Variants in SIRT7 observed in about 807,000 individuals in gnomAD.
SIRT7 encodes sirtuin 7, also known as NAD-dependent protein deacetylase sirtuin-7.
Under a neutral mutation model 42.8 loss-of-function variants are expected in SIRT7, and 32 were observed. The ratio of observed to expected loss-of-function variants is 0.75; its 90% CI spans 0.56 to 1.00. The LOEUF (loss-of-function observed/expected upper bound fraction) is 1.00. Ranked by LOEUF, SIRT7 falls within the 50% of genes least tolerant of loss-of-function variation. SIRT7 has a pLI of 0.00. For missense variants in SIRT7, 553 were observed against 572.2 expected (o/e 0.97, Z 0.34); for synonymous variants, 297 against 245.2 (o/e 1.21, Z -1.97).
At position 81,914,517 on chromosome 17, in the gene SIRT7, CAGGAGGT is replaced by C; in HGVS notation, c.586_592del (p.Thr196AlafsTer13). 1.2e-6 allele frequency: 2 copies of C among 1,613,214 alleles called. No homozygotes were observed. The highest frequency in any genetic ancestry group is 8.5e-7 in the Non-Finnish European group (1 of 1,180,010). On this transcript the variant is annotated frameshift_variant, in exon 7 of 10. Transcript: ENST00000328666. LOFTEE classifies it high-confidence loss of function. ...CCGCACGTACTCCCTGTTGGGAACG[CAGGAGGT>C]ACAGACCTAGAGGCAAGAGGGCACA...
At position 81,917,821 on chromosome 17, in the gene SIRT7, G is replaced by A. The variant is rs1282527751; in HGVS notation, c.231+9C>T. ...CCGGGGGCGCCCGCGCGCCGCACGC[G>A]GAACTCGCCTCCTCCTGCCGCCGCT... On this transcript the variant is annotated intron_variant, in intron 2 of 9. Coordinates refer to ENST00000328666, the MANE Select transcript of SIRT7 (RefSeq NM_016538.3). The A allele has an allele frequency of 3.5e-6, 5 of 1,415,854 alleles. No homozygotes were observed. In the East Asian group the frequency reaches 9.2e-5, roughly 26 times the overall value. The allele number at this position is 1,415,854 out of a possible 1,614,324, so 87.7% of individuals were successfully genotyped here. A position where few individuals can be genotyped will look rare whatever the true frequency, so the allele number is the denominator to read the frequency against.
Position 81,913,815 on chromosome 17 carries a change from G to A in SIRT7, c.963C>T (p.Leu321=). The A allele has an allele frequency of 1.3e-6, 2 of 1,549,508 alleles. No homozygotes were observed. Among genetic ancestry groups the A allele is most frequent in the South Asian group, 2.4e-5 (2 of 84,022 alleles). The change falls in exon 9 of 10, where the codon CTC becomes CTT. Residue 321 remains leucine (L), a synonymous_variant. Transcript: ENST00000328666. This position sits in a 1 kb window ranked among gnomAD's most constrained non-coding sequence, Gnocchi z 5.0. Reference sequence around the variant, plus strand: ...TCTCCAAGCCCAGCTCGGCCATGAGGAGCCGCATGACGTCATCACACTTCC... The same window carrying A: ...TCTCCAAGCCCAGCTCGGCCATGAGAAGCCGCATGACGTCATCACACTTCC... ...LHGKCDDVMR[L]LMAELGLEIP... is the part of the protein sequence containing the mutation.
intron 5 of SIRT7, 123 bp from the exon 6 acceptor site, chr17:81,914,825 C>T (rs561804238): frequency 1.9e-5 from 14 of 750,496 alleles, no homozygotes; most frequent in African/African-American, 8.6e-5. Context: ...GGGGCAGCTC[C>T]GTCCCCCCAG....
rs2040741730 is a variant in SIRT7 at position 81,913,936 on chromosome 17, C to T, written c.898-56G>A. 4 of 1,545,282 alleles carry T rather than the reference C, an allele frequency of 2.6e-6. No homozygotes were observed. The highest frequency in any genetic ancestry group is 2.6e-6 in the Non-Finnish European group (3 of 1,139,760). Reference sequence around the variant, plus strand: ...CAGCAGCCCAACCCTTCCCGGTGGCCTGTCAGCCTTGGCCCCTACGGGCTC... The same window carrying T: ...CAGCAGCCCAACCCTTCCCGGTGGCTTGTCAGCCTTGGCCCCTACGGGCTC... On this transcript the variant is annotated intron_variant, in intron 8 of 9. Transcript: ENST00000328666. The surrounding 1 kb of genome is among the most constrained non-coding windows in gnomAD (Gnocchi z 5.0).
intron 5 of SIRT7, 41 bp from the exon 6 acceptor site, chr17:81,914,743 A>G: frequency 2.6e-6 from 4 of 1,547,914 alleles, no homozygotes; most frequent in Non-Finnish European, 3.6e-6. Context: ...GATGGCTGCC[A>G]GTGGTGGTGG....
intron 9 of SIRT7, 45 bp from the exon 10 acceptor site, chr17:81,912,659 C>T (rs780318421): frequency 1.2e-5 from 19 of 1,574,764 alleles, no homozygotes; most frequent in East Asian, 4.7e-5. Context: ...GGGAGCCTCT[C>T]GCAGTCACAC....
At position 81,912,388 on chromosome 17, in the gene SIRT7, T is replaced by C. The variant is rs761018740; in HGVS notation, c.*28A>G. On this transcript the variant is annotated 3_prime_UTR_variant, in exon 10 of 10. Coordinates refer to ENST00000328666, the MANE Select transcript of SIRT7 (RefSeq NM_016538.3). ...ACCGTGACACTGGCCATCTGCAAAG[T>C]GCCAACTGTTCTTCATCGAGCACGT... 1.5e-5 allele frequency: 25 copies of C among 1,613,832 alleles called. No homozygotes were observed. The highest frequency in any genetic ancestry group is 5.3e-5 in the African/African-American group (4 of 74,950).
intron 3 of SIRT7, 71 bp from the exon 4 acceptor site, chr17:81,915,752 C>T (rs1351782776): frequency 6.5e-6 from 10 of 1,532,918 alleles, no homozygotes; most frequent in South Asian, 2.3e-5. Flanking sequence ...TTCCCAGAAA[C>T]GGAAAGCCAC....
At chr17:81,915,957 C>T (rs757661583) in intron 3 of SIRT7, 40 of 462,830 alleles carry the variant, frequency 8.6e-5, no homozygotes, top group Non-Finnish European at 1.6e-4. Flanking sequence ...CTCTCTGGCA[C>T]CGAGCACAAA....
chr17:81,912,183 C>T lies in SIRT7; in HGVS notation c.*233G>A. 1.7e-6 allele frequency: 1 copy of T among 589,074 alleles called. No individual in the cohort carries two copies. Among genetic ancestry groups the T allele is most frequent in the Admixed American group, 3.0e-5 (1 of 33,054 alleles). 36.5% of individuals were successfully genotyped at this position (589,074 alleles called of 1,614,324 possible). A position where few individuals can be genotyped will look rare whatever the true frequency, so the allele number is the denominator to read the frequency against. On this transcript the variant is annotated 3_prime_UTR_variant, in exon 10 of 10. Coordinates refer to ENST00000328666, the MANE Select transcript of SIRT7 (RefSeq NM_016538.3). ...GTTCCGTTCTCACAGAAAGGTGCGG[C>T]TGCCACCTCTTGACACAGAGGCCGG...
In SIRT7 at chr17:81,917,840, C is replaced by A; in HGVS notation, c.221G>T (p.Arg74Leu). The A allele has an allele frequency of 7.0e-7, 1 of 1,438,002 alleles. No homozygotes were observed. The highest frequency in any genetic ancestry group is 9.1e-7 in the Non-Finnish European group (1 of 1,100,702). The allele number at this position is 1,438,002 out of a possible 1,614,324, so 89.1% of individuals were successfully genotyped here. The change falls in exon 2 of 10, where the codon CGG (arginine) becomes CTG (leucine). Residue 74 changes from arginine to leucine, a missense_variant. Transcript: ENST00000328666. Reference sequence around the variant, plus strand: ...GCACGCGGAACTCGCCTCCTCCTGCCGCCGCTTCAGGCCCTCGCGCCGCCG... The same window carrying A: ...GCACGCGGAACTCGCCTCCTCCTGCAGCCGCTTCAGGCCCTCGCGCCGCCG... ...RSRRREGLKR[R>L]QEEVCDDPEE...
In SIRT7 at chr17:81,915,435, C is replaced by T. The variant is rs756903789; in HGVS notation, c.480+5G>A. On this transcript the variant is annotated splice_donor_5th_base_variant and intron_variant, in intron 5 of 9. Coordinates refer to ENST00000328666, the MANE Select transcript of SIRT7 (RefSeq NM_016538.3). ...GCAAGTGTACCAGCCACCCAGGGCTCTTACCAGCTTCTGCTCATGCAGACG... is the reference window on the plus strand; with the variant it reads ...GCAAGTGTACCAGCCACCCAGGGCTTTTACCAGCTTCTGCTCATGCAGACG... 4 of 1,612,202 alleles carry T rather than the reference C, an allele frequency of 2.5e-6. No homozygotes were observed. The highest frequency in any genetic ancestry group is 1.7e-6 in the Non-Finnish European group (2 of 1,179,282).
In SIRT7 at chr17:81,912,526, C is replaced by T. The variant is rs199664629; in HGVS notation, c.1093G>A (p.Glu365Lys). The T allele has an allele frequency of 3.3e-5, 53 of 1,613,724 alleles. 1 individual carries two copies. In the South Asian group the frequency reaches 5.4e-4, roughly 16 times the overall value. Residue 365 changes from glutamate to lysine, a missense_variant, in exon 10 of 10, where the codon GAG becomes AAG. By Grantham distance (56) the Glu-to-Lys change is moderately conservative. Coordinates refer to ENST00000328666, the MANE Select transcript of SIRT7 (RefSeq NM_016538.3). ...HSRKSLCRSR[E>K]EAPPGDRGAP... is the part of the protein sequence containing the mutation. Reference sequence around the variant, plus strand: ...CCCCGGTCCCCAGGCGGGGCCTCCTCTCTGCTTCTGCACAGCGACTTCCGA... The same window carrying T: ...CCCCGGTCCCCAGGCGGGGCCTCCTTTCTGCTTCTGCACAGCGACTTCCGA...
Position 81,914,655 on chromosome 17 carries a change from A to G in SIRT7, c.528T>C (p.Ser176=). The change falls in exon 6 of 10, where the codon AGT becomes AGC. Residue 176 remains serine, a synonymous_variant. Transcript: ENST00000328666. ...SQNCDGLHLR[S]GLPRTAISEL... Reference sequence around the variant, plus strand: ...CGGAGATGGCCGTGCGCGGCAGCCCACTCCTCAGGTGGAGCCCGTCACAGT... The same window carrying G: ...CGGAGATGGCCGTGCGCGGCAGCCCGCTCCTCAGGTGGAGCCCGTCACAGT... 6.2e-7 allele frequency: 1 copy of G among 1,612,688 alleles called. No individual in the cohort carries two copies. The highest frequency in any genetic ancestry group is 8.5e-7 in the Non-Finnish European group (1 of 1,179,914).
rs1357758015 is a variant in SIRT7, at chr17:81,917,569, G to A, written c.336+46C>T. ...TAAAGGCGAGTTTTTCGCGATTACT[G>A]GAGCTCATACTCCGTCCTGGGGTAC... On this transcript the variant is annotated intron_variant, in intron 3 of 9. Coordinates refer to ENST00000328666, the MANE Select transcript of SIRT7 (RefSeq NM_016538.3). 4 of 1,472,348 alleles carry A rather than the reference G, an allele frequency of 2.7e-6. No individual in the cohort carries two copies. In the Admixed American group the frequency reaches 6.7e-5, roughly 25 times the overall value. The allele number at this position is 1,472,348 out of a possible 1,614,324, so 91.2% of individuals were successfully genotyped here. A position where few individuals can be genotyped will look rare whatever the true frequency, so the allele number is the denominator to read the frequency against.
In SIRT7 at chr17:81,913,424, A is replaced by G. The variant is rs1432864063; in HGVS notation, c.1004+350T>C. The G allele has an allele frequency of 2.2e-5, 10 of 449,292 alleles. No individual in the cohort carries two copies. Among genetic ancestry groups the G allele is most frequent in the East Asian group, 6.2e-5 (1 of 16,218 alleles). The allele number at this position is 449,292 out of a possible 1,614,324, so 27.8% of individuals were successfully genotyped here. A position where few individuals can be genotyped will look rare whatever the true frequency, so the allele number is the denominator to read the frequency against. On this transcript the variant is annotated intron_variant, in intron 9 of 9. Coordinates refer to ENST00000328666, the MANE Select transcript of SIRT7 (RefSeq NM_016538.3). This position sits in a 1 kb window ranked among gnomAD's most constrained non-coding sequence, Gnocchi z 5.0. The stretch of plus-strand genomic sequence containing the variant: ...CAAAGTACGCCAACTCCCAAAACCA[A>G]GCACACAGATTCTGTCTGACCAGAG...
In SIRT7 at chr17:81,912,621, A is replaced by C; in HGVS notation, c.1005-7T>G. 1 of 1,612,248 alleles carries C rather than the reference A, an allele frequency of 6.2e-7. No homozygotes were observed. Among genetic ancestry groups the C allele is most frequent in the South Asian group, 1.1e-5 (1 of 90,992 alleles). ...GAAAATGGGATCCTGCCACCTGCCA[A>C]AAAGGGAAAGCGGCATCAGGCGGGC... On this transcript the variant is annotated splice_polypyrimidine_tract_variant and splice_region_variant and intron_variant, in intron 9 of 9. Transcript: ENST00000328666.
At position 81,914,128 on chromosome 17, in the gene SIRT7, G is replaced by A; in HGVS notation, c.856C>T (p.Pro286Ser). The A allele has an allele frequency of 6.2e-7, 1 of 1,613,626 alleles. No homozygotes were observed. Among genetic ancestry groups the A allele is most frequent in the Non-Finnish European group, 8.5e-7 (1 of 1,180,028 alleles). Reference sequence around the variant, plus strand: ...TAAAGCTTCGGCCGCCGGCTAGGGGGCTTGGTCATGCACCAGAGGCGTGGG... The same window carrying A: ...TAAAGCTTCGGCCGCCGGCTAGGGGACTTGGTCATGCACCAGAGGCGTGGG... The part of the protein sequence containing the change: ...KYPRLWCMTK[P>S]PSRRPKLYIV... The change falls in exon 8 of 10, where the codon CCC (proline) becomes TCC (serine). Residue 286 changes from proline to serine, a missense_variant. Physicochemically the swap from Pro to Ser is moderately conservative, Grantham distance 74. Coordinates refer to ENST00000328666, the MANE Select transcript of SIRT7 (RefSeq NM_016538.3).
chr17:81,917,828 GCCT>G lies in SIRT7; in HGVS notation c.230_231+1del, dbSNP rs2040835348. ...CGCCCGCGCGCCGCACGCGGAACTC[GCCT>G]CCTCCTGCCGCCGCTTCAGGCCCTC... is the stretch of plus-strand genomic sequence containing the variant. On this transcript the variant is annotated splice_donor_variant and coding_sequence_variant, in exon 2 of 10. Coordinates refer to ENST00000328666, the MANE Select transcript of SIRT7 (RefSeq NM_016538.3). LOFTEE classifies it high-confidence loss of function. The G allele has an allele frequency of 7.0e-7, 1 of 1,432,612 alleles. No homozygotes were observed. The highest frequency in any genetic ancestry group is 1.5e-5 in the African/African-American group (1 of 66,642). 88.7% of individuals were successfully genotyped at this position (1,432,612 alleles called of 1,614,324 possible). A position where few individuals can be genotyped will look rare whatever the true frequency, so the allele number is the denominator to read the frequency against.
Sources: gnomAD v4.1 joint callset for allele counts on GRCh38, gnomAD v4.1.1 for gene constraint, Gnocchi (gnomAD v3.1) non-coding constraint, MANE v1.5 for transcripts, NCBI Gene and HGNC (gene_info 2026-07-23, HGNC 2026-07-21) for gene names.